Variants in CERT1 observed in about 807,000 individuals in gnomAD.
CERT1 encodes the protein ceramide transporter 1.
CERT1 carries 31 observed loss-of-function variants against 87.9 expected under a neutral mutation model. The ratio of observed to expected loss-of-function variants is 0.35; its 90% CI spans 0.27 to 0.48. The LOEUF (loss-of-function observed/expected upper bound fraction) is 0.48, where lower values mean the gene tolerates loss of function less well. CERT1 is among the 20% of genes least tolerant of loss of function. CERT1 has a pLI of 0.99. For missense variants in CERT1, 487 were observed against 758.0 expected, an observed-to-expected ratio of 0.64 and a Z score of 4.20; for synonymous variants, 289 against 250.9, an observed-to-expected ratio of 1.15 and a Z score of -1.44.
rs1561317973 is a variant in CERT1, at chr5:75,511,423, G to A, written c.-216C>T. 6.5e-7 allele frequency: 1 copy of A among 1,543,198 alleles called. No homozygotes were observed. The highest frequency in any genetic ancestry group is 8.7e-7 in the Non-Finnish European group (1 of 1,144,200). On this transcript the variant is annotated 5_prime_UTR_variant, in exon 1 of 17. Transcript: ENST00000643780. ...GGAAGGAGGACGAGCGGTGAAGGAAGCCTACCCTTCCAGCCGTCAGCCGCC... is the reference window on the plus strand; with the variant it reads ...GGAAGGAGGACGAGCGGTGAAGGAAACCTACCCTTCCAGCCGTCAGCCGCC...
At chr5:75,481,841 T>C (rs1407517452) in intron 2 of CERT1, among the ~76,000 whole-genome samples, 2 of 152,162 alleles carry the variant, frequency 1.3e-5, no homozygotes, top group African/African-American at 4.8e-5. Flanking sequence ...ACTGTGATTT[T>C]TGGCTACAAT....
At chr5:75,486,051 C>CA (rs1408137941) in intron 2 of CERT1, among the ~76,000 whole-genome samples, 2 of 151,898 alleles carry the variant, frequency 1.3e-5, no homozygotes, top group East Asian at 3.9e-4. Flanking sequence ...ACACATCAAA[C>CA]AAAGAAAATT....
At chr5:75,471,356 C>G (rs1212067390) in intron 2 of CERT1, among the ~76,000 whole-genome samples, 1 of 152,088 alleles carries the variant, frequency 6.6e-6, no homozygotes, top group Non-Finnish European at 1.5e-5. Context: ...ATTTGTGTAT[C>G]TAAAAATAGA....
rs1414336460 is a variant in CERT1 at position 75,389,625 on chromosome 5, A to G, written c.1251T>C (p.Asn417=). The change falls in exon 12 of 17, where the codon AAT becomes AAC. Residue 417 remains asparagine, a synonymous_variant. Coordinates refer to ENST00000643780, the MANE Select transcript of CERT1 (RefSeq NM_001379029.1). ...CTCCTTCTTCTACAACCAACTGCCA[A>G]TTGGCATCTCCGCCTACATCCTGTA... The part of the protein sequence containing the change: ...YSLQDVGGDA[N]WQLVVEEGEM... 1.2e-6 allele frequency: 2 copies of G among 1,614,104 alleles called. No homozygotes were observed. The highest frequency in any genetic ancestry group is 3.3e-5 in the Admixed American group (2 of 60,020).
At chr5:75,376,842 A>T (rs1761336916), downstream of CERT1, 1 of 152,220 alleles carries the variant, frequency 6.6e-6, no homozygotes, top group African/African-American at 2.4e-5. Context: ...GTATCGGACA[A>T]TAAATTTAGC....
chr5:75,388,640 A>ATC (rs1554034750), intron 12 of CERT1, among the ~76,000 whole-genome samples: 12 of 109,906 alleles, frequency 1.1e-4, no homozygotes, highest in Admixed American at 1.9e-4. Context: ...ATATATATAT[A>ATC]TCTCACACAG....
chr5:75,447,695 C>T (rs867872664), intron 3 of CERT1, among the ~76,000 whole-genome samples: 1 of 151,650 alleles, frequency 6.6e-6, no homozygotes, highest in Non-Finnish European at 1.5e-5. Flanking sequence ...AGGATGGTCT[C>T]GATCTCCTGA....
Position 75,417,014 on chromosome 5 carries a change from T to C in CERT1, c.699A>G (p.Pro233=), listed in dbSNP as rs745624064. 1.0e-5 allele frequency: 16 copies of C among 1,604,954 alleles called. No individual in the cohort carries two copies. The South Asian group carries it at 1.5e-4, about 15-fold the overall frequency. Residue 233 remains proline (P), a synonymous_variant, in exon 7 of 17, where the codon CCA becomes CCG. Transcript: ENST00000643780. ...TAAAGTCTATACCATTAATTCCTTTTGGTGTCACATGTGGAAATACTGAAA... is the reference window on the plus strand; with the variant it reads ...TAAAGTCTATACCATTAATTCCTTTCGGTGTCACATGTGGAAATACTGAAA... The part of the protein sequence containing the change: ...NKEKLFPHVT[P]KGINGIDFKG...
chr5:75,465,861 G>A (rs573894140), intron 2 of CERT1, among the ~76,000 whole-genome samples: 9 of 152,284 alleles, frequency 5.9e-5, no homozygotes, highest in African/African-American at 2.2e-4. Context: ...AGGGGGGGTA[G>A]AGAAGGACAG....
chr5:75,399,443 C>A, intron 10 of CERT1, 56 bp from the exon 11 acceptor site: 2 of 1,226,162 alleles, frequency 1.6e-6, no homozygotes, highest in Non-Finnish European at 2.4e-6. Flanking sequence ...CACAACAGAG[C>A]ATTCAGTACC....
chr5:75,506,882 A>G (rs1421951908), intron 1 of CERT1, among the ~76,000 whole-genome samples: 1 of 152,202 alleles, frequency 6.6e-6, no homozygotes, highest in African/African-American at 2.4e-5. Context: ...AGTGAAGATC[A>G]CAATAAACTG....
At chr5:75,477,647 TAAA>T (rs540588442) in intron 2 of CERT1, among the ~76,000 whole-genome samples, 2 of 89,522 alleles carry the variant, frequency 2.2e-5, no homozygotes, top group Non-Finnish European at 4.3e-5. Context: ...TAATAAGTTG[TAAA>T]AAAAAAAAAA....
In CERT1 at chr5:75,386,062, T is replaced by G. The variant is rs765265419; in HGVS notation, c.1285-28A>C. 6 of 1,428,344 alleles carry G rather than the reference T, an allele frequency of 4.2e-6. No individual in the cohort carries two copies. In the South Asian group the frequency reaches 1.0e-4, roughly 25 times the overall value. 88.5% of individuals were successfully genotyped at this position (1,428,344 alleles called of 1,614,324 possible). A position where few individuals can be genotyped will look rare whatever the true frequency, so the allele number is the denominator to read the frequency against. On this transcript the variant is annotated intron_variant, in intron 12 of 16. Coordinates refer to ENST00000643780, the MANE Select transcript of CERT1 (RefSeq NM_001379029.1). ...AAAGAGAACATAATTCCAAAACTGT[T>G]TGAAAATTAAAAATCAAGCCCATAA...
intron 3 of CERT1, among the ~76,000 whole-genome samples, chr5:75,428,341 C>T (rs1408292541): frequency 6.6e-6 from 1 of 151,926 alleles, no homozygotes; most frequent in East Asian, 1.9e-4. Context: ...AAAATGGAAG[C>T]AAATTTACAA....
At chr5:75,417,590 T>C (rs1382679715) in intron 6 of CERT1, among the ~76,000 whole-genome samples, 3 of 152,162 alleles carry the variant, frequency 2.0e-5, no homozygotes, top group Admixed American at 6.6e-5. Context: ...CAAGAAATCA[T>C]AATATTCTAT....
chr5:75,463,345 A>AT (rs1765318965), intron 2 of CERT1, among the ~76,000 whole-genome samples: 1 of 152,144 alleles, frequency 6.6e-6, no homozygotes, highest in South Asian at 2.1e-4. Flanking sequence ...GCCATAAACC[A>AT]TTGTTTTATC....
intron 2 of CERT1, among the ~76,000 whole-genome samples, chr5:75,498,975 G>A (rs1391887367): frequency 6.6e-6 from 1 of 152,222 alleles, no homozygotes; most frequent in African/African-American, 2.4e-5. Context: ...GCTGCCCAAG[G>A]TGGTGGGAGC....
chr5:75,401,385 T>G (rs1248654934), intron 9 of CERT1: 1 of 152,208 alleles, frequency 6.6e-6, no homozygotes, highest in Non-Finnish European at 1.5e-5. Flanking sequence ...TCTCCTTTGT[T>G]TCACAGATTA....
chr5:75,466,813 G>A (rs1765475871), intron 2 of CERT1, among the ~76,000 whole-genome samples: 1 of 152,302 alleles, frequency 6.6e-6, no homozygotes, highest in East Asian at 1.9e-4. Context: ...AGAATTAGAA[G>A]CTGGTCCTTG....
Sources: gnomAD v4.1 joint callset for allele counts (sites outside exome capture counted in the v4.1 genomes callset) on GRCh38, gnomAD v4.1.1 for gene constraint, MANE v1.5 for transcripts, NCBI Gene and HGNC (gene_info 2026-07-23, HGNC 2026-07-21) for gene names.